The following KL variants were observed in gnomAD, a reference collection of about 807,000 sequenced individuals.
The protein encoded by KL is alpha-klotho.
A neutral mutation model predicts 84.2 loss-of-function variants in KL; 62 were observed. The ratio of observed to expected loss-of-function variants is 0.74; its 90% confidence interval spans 0.60 to 0.91. The LOEUF is 0.91. Among genes scored for constraint, KL ranks in the 40% least tolerant of loss-of-function variants. The pLI, the probability that KL is intolerant of heterozygous loss-of-function variation, is 0.00. For missense variants in KL, 1,261 were observed against 1,305.7 expected (o/e 0.97, Z 0.53); for synonymous variants, 528 against 528.0 (o/e 1.00, Z 0.00).
At chr13:33,056,445 T>A (rs1427754812) in intron 3 of KL, among the ~76,000 whole-genome samples, 5 of 152,156 alleles carry the variant, frequency 3.3e-5, no homozygotes, top group African/African-American at 1.2e-4. Context: ...CTGGTTGGGA[T>A]TATTCTTCTT....
chr13:33,020,416 C>T (rs1870533955), intron 1 of KL, among the ~76,000 whole-genome samples: 1 of 152,116 alleles, frequency 6.6e-6, no homozygotes, highest in Non-Finnish European at 1.5e-5. Flanking sequence ...TCACTCCAGG[C>T]CATTGCTTTG....
In KL at chr13:33,037,065, G is replaced by A. The variant is rs1054547667; in HGVS notation, c.820-16702G>A. Among the ~76,000 whole-genome samples, 7 of 152,284 alleles carry A rather than the reference G, an allele frequency of 4.6e-5. No individual in the cohort carries two copies. In the East Asian group the frequency reaches 1.4e-3, roughly 29 times the overall value. On this transcript the variant is annotated intron_variant, in intron 1 of 4. Coordinates refer to ENST00000380099, the MANE Select transcript of KL (RefSeq NM_004795.4). ...TATGATACTGAATATACTAATGTTT[G>A]AGGGCTTGTGAAAAGGTCTTAATAT...
intron 1 of KL, among the ~76,000 whole-genome samples, chr13:33,020,128 T>G (rs1333697072): frequency 6.6e-6 from 1 of 152,174 alleles, no homozygotes; most frequent in Non-Finnish European, 1.5e-5. Context: ...AAGGAACCTG[T>G]GAAAAAGACT....
Position 33,061,741 on chromosome 13 carries a change from G to A in KL, c.2662G>A (p.Val888Met), listed in dbSNP as rs368695887. 8.7e-6 allele frequency: 14 copies of A among 1,613,934 alleles called. No homozygotes were observed. Among genetic ancestry groups the A allele is most frequent in the Non-Finnish European group, 1.1e-5 (13 of 1,180,028 alleles). The change falls in exon 4 of 5, where the codon GTG becomes ATG. Residue 888 changes from valine to methionine, a missense_variant. Physicochemically the swap from Val to Met is conservative, Grantham distance 21. Transcript: ENST00000380099. ...GCATGCTGAGGACGACCAGCTGAGG[G>A]TGTATTATATGCAGAATTACATAAA... ...GLHAEDDQLR[V>M]YYMQNYINEA... is the part of the protein sequence containing the mutation.
At chr13:33,041,916 C>G (rs1871353072) in intron 1 of KL, among the ~76,000 whole-genome samples, 1 of 152,172 alleles carries the variant, frequency 6.6e-6, no homozygotes, top group South Asian at 2.1e-4. Flanking sequence ...TACCTTCTAT[C>G]CTTTCTCTGC....
chr13:33,060,421 G>A (rs1032154162), intron 3 of KL, among the ~76,000 whole-genome samples: 1 of 152,138 alleles, frequency 6.6e-6, no homozygotes, highest in African/African-American at 2.4e-5. Flanking sequence ...CATCTGAAGT[G>A]ACCAAATCCA....
In KL at chr13:33,061,045, G is replaced by A. The variant is rs747178287; in HGVS notation, c.1966G>A (p.Ala656Thr). ...GLPRLLARQG[A>T]WENPYTALAF... ...GCCGCGCCTCCTGGCCAGGCAGGGC[G>A]CCTGGGAGAACCCCTACACTGCCCT... The change falls in exon 4 of 5, where the codon GCC becomes ACC. Residue 656 changes from alanine (A) to threonine (T), a missense_variant. Transcript: ENST00000380099. 76 of 1,611,734 alleles carry A rather than the reference G, an allele frequency of 4.7e-5. No individual in the cohort carries two copies. The highest frequency in any genetic ancestry group is 2.8e-4 in the Admixed American group (17 of 59,930).
rs1390151634 is a variant in KL at position 33,055,258 on chromosome 13, C to G, written c.1542C>G (p.Pro514=). ...NGFPPLPENQ[P]LEGTFPCDFA... ...TCCCTCCTTTACCTGAAAATCAGCC[C>G]CTAGAAGGGACATTTCCCTGTGACT... The change falls in exon 3 of 5, where the codon CCC becomes CCG. Residue 514 remains proline, a synonymous_variant. Transcript: ENST00000380099. The G allele has an allele frequency of 6.2e-7, 1 of 1,614,142 alleles. No homozygotes were observed. The highest frequency in any genetic ancestry group is 1.7e-5 in the Admixed American group (1 of 60,016).
chr13:33,017,129 A>G lies in KL; in HGVS notation c.689A>G (p.Gln230Arg). 6.2e-7 allele frequency: 1 copy of G among 1,603,754 alleles called. No homozygotes were observed. The highest frequency in any genetic ancestry group is 2.2e-5 in the East Asian group (1 of 44,856). Residue 230 changes from glutamine to arginine, a missense_variant, in exon 1 of 5, where the codon CAG becomes CGG. Gln to Arg is a conservative substitution (Grantham distance 43). Coordinates refer to ENST00000380099, the MANE Select transcript of KL (RefSeq NM_004795.4). ...AELCFRHFGG[Q>R]VKYWITIDNP... The stretch of plus-strand genomic sequence containing the variant: ...CTCTGCTTCCGCCACTTCGGCGGTC[A>G]GGTCAAGTACTGGATCACCATCGAC...
intron 1 of KL, among the ~76,000 whole-genome samples, chr13:33,020,007 TTGTTC>T (rs773302765): frequency 2.0e-4 from 30 of 152,134 alleles, no homozygotes; most frequent in Admixed American, 5.9e-4. Context: ...CTCTGAGTCT[TTGTTC>T]TGTATATGGG....
intron 1 of KL, among the ~76,000 whole-genome samples, chr13:33,046,763 G>A (rs1431189491): frequency 7.1e-6 from 1 of 141,420 alleles, no homozygotes; most frequent in African/African-American, 2.5e-5. Context: ...TTTTTTTGAT[G>A]TAGGTATTTA....
chr13:33,060,828 T>C lies in KL; in HGVS notation c.1749T>C (p.Ala583=), dbSNP rs1266968150. The C allele has an allele frequency of 4.3e-6, 7 of 1,614,088 alleles. No individual in the cohort carries two copies. The highest frequency in any genetic ancestry group is 5.9e-6 in the Non-Finnish European group (7 of 1,180,034). ...VDFAAIQPQI[A]LLQEMHVTHF... ...TTGCTGCCATCCAGCCCCAGATCGC[T>C]TTACTCCAGGAAATGCACGTTACAC... is the stretch of plus-strand genomic sequence containing the variant. The change falls in exon 4 of 5, where the codon GCT becomes GCC. Residue 583 remains alanine, a synonymous_variant. Transcript: ENST00000380099.
intron 1 of KL, among the ~76,000 whole-genome samples, chr13:33,046,747 TG>T (rs35586006): frequency 0.29 from 41,712 of 144,444 alleles, 6,238 homozygotes; most frequent in East Asian, 0.45. Context: ...AGATATATCT[TG>T]TTTTTTTTTT....
intron 1 of KL, among the ~76,000 whole-genome samples, chr13:33,029,346 G>A (rs1870888052): frequency 6.6e-6 from 1 of 152,172 alleles, no homozygotes; most frequent in Admixed American, 6.5e-5. Context: ...AAGTCGATCT[G>A]TCCCATGAAT....
At chr13:33,017,934 A>G (rs1372864811) in intron 1 of KL, among the ~76,000 whole-genome samples, 9 of 152,226 alleles carry the variant, frequency 5.9e-5, no homozygotes, top group Non-Finnish European at 1.5e-5. Flanking sequence ...CCACATCTAT[A>G]TTTCCACAGT....
intron 1 of KL, among the ~76,000 whole-genome samples, chr13:33,043,209 G>A (rs1043450970): frequency 2.0e-5 from 3 of 151,106 alleles, no homozygotes; most frequent in Non-Finnish European, 4.4e-5. Context: ...TTACGTCCTT[G>A]CCAGAATTTG....
At position 33,049,369 on chromosome 13, in the gene KL, A is replaced by G. The variant is rs573883264; in HGVS notation, c.820-4398A>G. Among the ~76,000 whole-genome samples the G allele has an allele frequency of 2.9e-4, 44 of 152,348 alleles. 1 individual carries two copies. Among genetic ancestry groups the G allele is most frequent in the African/African-American group, 9.4e-4 (39 of 41,580 alleles). On this transcript the variant is annotated intron_variant, in intron 1 of 4. Coordinates refer to ENST00000380099, the MANE Select transcript of KL (RefSeq NM_004795.4). Reference sequence around the variant, plus strand: ...CTGGCTCTGTTGCAGAGACTTTGCTAGAATCTGAGAGATAAAAGACTCAAT... The same window carrying G: ...CTGGCTCTGTTGCAGAGACTTTGCTGGAATCTGAGAGATAAAAGACTCAAT...
Position 33,016,644 on chromosome 13 carries a change from C to G in KL, c.204C>G (p.Ala68=). ...CCTTCCCCGACGGCTTCCTCTGGGCCGTGGGCAGCGCCGCCTACCAGACCG... is the reference window on the plus strand; with the variant it reads ...CCTTCCCCGACGGCTTCCTCTGGGCGGTGGGCAGCGCCGCCTACCAGACCG... ...QGTFPDGFLW[A]VGSAAYQTEG... Residue 68 remains alanine, a synonymous_variant, in exon 1 of 5, where the codon GCC becomes GCG. Coordinates refer to ENST00000380099, the MANE Select transcript of KL (RefSeq NM_004795.4). 1 of 1,576,644 alleles carries G rather than the reference C, an allele frequency of 6.3e-7. No individual in the cohort carries two copies. The highest frequency in any genetic ancestry group is 1.2e-5 in the South Asian group (1 of 86,390).
rs1382213093 is a variant in KL, at chr13:33,061,458, A to T, written c.2379A>T (p.Glu793Asp). The stretch of plus-strand genomic sequence containing the variant: ...TTCTTCCTTATTTCACTGAAGATGA[A>T]AAAAAGCTAATCCAGGGTACCTTTG... The part of the protein sequence containing the change: ...NFLLPYFTED[E>D]KKLIQGTFDF... The change falls in exon 4 of 5, where the codon GAA becomes GAT. Residue 793 changes from glutamate (E) to aspartate (D), a missense_variant. Physicochemically the swap from Glu to Asp is conservative, Grantham distance 45. Coordinates refer to ENST00000380099, the MANE Select transcript of KL (RefSeq NM_004795.4). The T allele has an allele frequency of 1.9e-6, 3 of 1,614,128 alleles. No individual in the cohort carries two copies. The highest frequency in any genetic ancestry group is 1.7e-5 in the Admixed American group (1 of 60,012).
Sources: allele counts gnomAD v4.1 joint callset (sites outside exome capture counted in the v4.1 genomes callset), GRCh38; gene constraint gnomAD v4.1.1; transcripts MANE v1.5; gene names NCBI Gene and HGNC (gene_info 2026-07-23, HGNC 2026-07-21).